The following CNTNAP3 variants were observed in gnomAD, a reference collection of about 807,000 sequenced individuals.
CNTNAP3 encodes the protein contactin associated protein family member 3.
CNTNAP3 carries 36 observed loss-of-function variants against 92.1 expected under a neutral mutation model. The ratio of observed to expected loss-of-function variants is 0.39; its 90% CI spans 0.30 to 0.52. CNTNAP3 has a LOEUF of 0.52. Among genes scored for constraint, CNTNAP3 ranks in the 20% least tolerant of loss-of-function variants. The pLI is 0.76. For synonymous variants in CNTNAP3, 232 were observed against 422.3 expected (o/e 0.55, Z 5.53); for missense variants, 534 against 1,069.6 (o/e 0.50, Z 6.98).
intron 20 of CNTNAP3, chr9:39,086,432 A>G: frequency 2.6e-6 from 1 of 386,730 alleles, no homozygotes; most frequent in Non-Finnish European, 4.5e-6. Context: ...ACATTCCCCT[A>G]TTGAGTAAAG....
intron 15 of CNTNAP3, among the ~76,000 whole-genome samples, chr9:39,104,582 T>G (rs2117877280): frequency 6.6e-6 from 1 of 152,040 alleles, no homozygotes; most frequent in South Asian, 2.1e-4. Context: ...TTTGTTCCCT[T>G]CTGTCCAAAA....
chr9:39,101,823 A>T (rs1429840376), intron 17 of CNTNAP3, among the ~76,000 whole-genome samples: 4,246 of 135,262 alleles, frequency 0.031, no homozygotes, highest in Non-Finnish European at 0.046. Flanking sequence ...AATAGTGTTG[A>T]TAAAATATAG....
intron 11 of CNTNAP3, among the ~76,000 whole-genome samples, chr9:39,141,623 G>T (rs1821576666): frequency 6.6e-6 from 1 of 152,166 alleles, no homozygotes; most frequent in Non-Finnish European, 1.5e-5. Context: ...AATATCTGCA[G>T]GAGATGGACA....
At chr9:39,114,035 T>TATACACACATATAC (rs1820786445) in intron 14 of CNTNAP3, among the ~76,000 whole-genome samples, 2 of 141,478 alleles carry the variant, frequency 1.4e-5, no homozygotes, top group Admixed American at 7.0e-5. Flanking sequence ...CACACATATA[T>TATACACACATATAC]ACACACACAC....
chr9:39,139,913 A>C (rs1403410578), intron 12 of CNTNAP3: 2 of 151,844 alleles, frequency 1.3e-5, no homozygotes, highest in Non-Finnish European at 2.9e-5. Context: ...TGCCCAGCTA[A>C]TTTTTGTATT....
chr9:39,131,774 G>C lies in CNTNAP3; in HGVS notation c.2080+1158C>G, dbSNP rs1821300395. On this transcript the variant is annotated intron_variant, in intron 13 of 23. Coordinates refer to ENST00000297668, the MANE Select transcript of CNTNAP3 (RefSeq NM_033655.5). ...CCGGGAGGGGAGGGGGTTGCAGTGA[G>C]CAAAGATCGTGCCACTGCACTCCAG... 2.0e-5 allele frequency among the ~76,000 whole-genome samples: 3 copies of C among 151,900 alleles called. No homozygotes were observed. In the South Asian group the frequency reaches 6.2e-4, roughly 32 times the overall value.
chr9:39,104,075 C>T (rs756432693), intron 15 of CNTNAP3, among the ~76,000 whole-genome samples, 161 bp from the exon 16 acceptor site: 4 of 152,104 alleles, frequency 2.6e-5, no homozygotes, highest in Non-Finnish European at 5.9e-5. Context: ...CTGATGACAT[C>T]AAGAGCTAAA....
chr9:39,146,675 C>T (rs1212085776), intron 10 of CNTNAP3, among the ~76,000 whole-genome samples: 7 of 151,960 alleles, frequency 4.6e-5, no homozygotes, highest in South Asian at 2.1e-4. Flanking sequence ...GGCGACAGAG[C>T]GAGACTCCGT....
At chr9:39,143,504 A>G (rs1821627688) in intron 11 of CNTNAP3, among the ~76,000 whole-genome samples, 1 of 152,130 alleles carries the variant, frequency 6.6e-6, no homozygotes, top group Non-Finnish European at 1.5e-5. Context: ...GCTGGGGGCC[A>G]AGTTACTTAA....
chr9:39,096,459 A>C (rs1459419388), intron 18 of CNTNAP3, among the ~76,000 whole-genome samples: 1 of 152,072 alleles, frequency 6.6e-6, no homozygotes, highest in Admixed American at 6.6e-5. Flanking sequence ...TATGGGGTAG[A>C]GGTAATATTT....
intron 21 of CNTNAP3, among the ~76,000 whole-genome samples, chr9:39,082,393 G>T: frequency 6.6e-6 from 1 of 151,900 alleles, no homozygotes; most frequent in East Asian, 1.9e-4. Context: ...GAATCTTGAT[G>T]ATAACTTAGT....
intron 9 of CNTNAP3, among the ~76,000 whole-genome samples, chr9:39,152,874 G>A (rs1821873275): frequency 1.0e-5 from 1 of 98,500 alleles, no homozygotes; most frequent in Non-Finnish European, 1.9e-5. Context: ...CACCATATTA[G>A]CCAGGATGGT....
At chr9:39,141,919 A>G (rs530188898) in intron 11 of CNTNAP3, among the ~76,000 whole-genome samples, 1 of 152,310 alleles carries the variant, frequency 6.6e-6, no homozygotes, top group Admixed American at 6.5e-5. Context: ...ACAATTAATT[A>G]GTTGCACATA....
chr9:39,130,598 G>A (rs1356394736), intron 13 of CNTNAP3, among the ~76,000 whole-genome samples: 1 of 148,682 alleles, frequency 6.7e-6, no homozygotes, highest in Non-Finnish European at 1.5e-5. Flanking sequence ...TCCACCTCCT[G>A]GGTTCACGCC....
intron 9 of CNTNAP3, 63 bp from the exon 10 acceptor site, chr9:39,150,040 T>C: frequency 7.6e-7 from 1 of 1,313,486 alleles, no homozygotes. Flanking sequence ...CCACAGTATT[T>C]ACTATATGAA....
At chr9:39,159,631 GAT>G (rs1325179874) in intron 9 of CNTNAP3, 3 of 120,944 alleles carry the variant, frequency 2.5e-5, no homozygotes, top group African/African-American at 1.2e-4. Context: ...CACGCCTGGA[GAT>G]AGATAGATAG....
chr9:39,081,632 G>T (rs2118397562), intron 21 of CNTNAP3, among the ~76,000 whole-genome samples: 1 of 151,910 alleles, frequency 6.6e-6, no homozygotes, highest in African/African-American at 2.4e-5. Context: ...AGATAGGGTT[G>T]TCTTCCCAGC....
rs1175911526 is a variant in CNTNAP3 at position 39,068,117 on chromosome 9, A to G, written c.*5773T>C. ...AGTGCATGTGCGATATTAAAATTTCAGGGCGGGCGCAGTGGCTTACGCCTG... is the reference window on the plus strand; with the variant it reads ...AGTGCATGTGCGATATTAAAATTTCGGGGCGGGCGCAGTGGCTTACGCCTG... On this transcript the variant is annotated 3_prime_UTR_variant, in exon 24 of 24. Transcript: ENST00000297668. Among the ~76,000 whole-genome samples, 2 of 152,312 alleles carry G rather than the reference A, an allele frequency of 1.3e-5. No individual in the cohort carries two copies. Among genetic ancestry groups the G allele is most frequent in the Admixed American group, 6.5e-5 (1 of 15,294 alleles).
At chr9:39,125,215 G>A (rs1821127971) in intron 13 of CNTNAP3, among the ~76,000 whole-genome samples, 1 of 152,018 alleles carries the variant, frequency 6.6e-6, no homozygotes, top group Non-Finnish European at 1.5e-5. Flanking sequence ...GTAGGGCCAT[G>A]GATGAAGCTG....
Sources: allele counts gnomAD v4.1 joint callset (sites outside exome capture counted in the v4.1 genomes callset), GRCh38; gene constraint gnomAD v4.1.1; transcripts MANE v1.5; gene names NCBI Gene and HGNC (gene_info 2026-07-23, HGNC 2026-07-21).